SLC44A1: variants seen among roughly 807,000 people sequenced by gnomAD.
SLC44A1 encodes solute carrier family 44 member 1.
SLC44A1 carries 26 observed loss-of-function variants against 79.3 expected under a neutral mutation model. The ratio of observed to expected loss-of-function variants is 0.33; its 90% CI spans 0.24 to 0.46. SLC44A1 has a LOEUF of 0.46. Among genes scored for constraint, SLC44A1 ranks in the 20% least tolerant of loss-of-function variants. The pLI is 1.00. For synonymous variants in SLC44A1, 263 were observed against 286.2 expected, an observed-to-expected ratio of 0.92 and a Z score of 0.82; for missense variants, 688 against 798.1, an observed-to-expected ratio of 0.86 and a Z score of 1.66.
At chr9:105,380,200 C>A (rs1436824782) in intron 13 of SLC44A1, among the ~76,000 whole-genome samples, 1 of 152,150 alleles carries the variant, frequency 6.6e-6, no homozygotes, top group Non-Finnish European at 1.5e-5. Context: ...CTTAGAGTTA[C>A]AAAACTAAGT....
chr9:105,250,218 A>C (rs1349799255), intron 1 of SLC44A1, among the ~76,000 whole-genome samples: 1 of 152,060 alleles, frequency 6.6e-6, no homozygotes, highest in Non-Finnish European at 1.5e-5. Flanking sequence ...CTAAAGATAA[A>C]ATTTTGAATT....
chr9:105,349,654 C>A (rs925104610), intron 5 of SLC44A1, among the ~76,000 whole-genome samples: 1 of 151,972 alleles, frequency 6.6e-6, no homozygotes, highest in African/African-American at 2.4e-5. Flanking sequence ...AAAAGGGGAT[C>A]CTTTGAATAG....
Position 105,391,329 on chromosome 9 carries a change from A to G in SLC44A1, c.*2273A>G, listed in dbSNP as rs1420167668. The stretch of plus-strand genomic sequence containing the variant: ...AACTGTAATCAGAAAGAAATTTTGT[A>G]TTTTTGTATAACTTGATTGTGTGCC... On this transcript the variant is annotated 3_prime_UTR_variant, in exon 16 of 16. Transcript: ENST00000374720. The G allele has an allele frequency of 1.0e-6, 1 of 985,424 alleles. No homozygotes were observed. Among genetic ancestry groups the G allele is most frequent in the Admixed American group, 6.2e-5 (1 of 16,258 alleles). 61.0% of individuals were successfully genotyped at this position (985,424 alleles called of 1,614,324 possible).
intron 1 of SLC44A1, among the ~76,000 whole-genome samples, chr9:105,296,217 GT>G (rs1291594157): frequency 2.0e-5 from 3 of 152,136 alleles, no homozygotes; most frequent in African/African-American, 7.2e-5. Context: ...TCCGCTAAGT[GT>G]TCCTTTGTCC....
chr9:105,365,470 A>AT lies in SLC44A1; in HGVS notation c.1254-7dup, dbSNP rs764427739. On this transcript the variant is annotated splice_polypyrimidine_tract_variant and intron_variant, in intron 10 of 15. Transcript: ENST00000374720. ...CTTTGTTTTAATTGTCTTTTTGGTC[A>AT]TTTTTTAAATAGGGATAAAAGGAAT... 3.2e-5 allele frequency: 51 copies of AT among 1,604,600 alleles called. No individual in the cohort carries two copies. In the African/African-American group the frequency reaches 5.5e-4, roughly 17 times the overall value.
chr9:105,270,516 C>T (rs1036963730), intron 1 of SLC44A1, among the ~76,000 whole-genome samples: 1 of 152,172 alleles, frequency 6.6e-6, no homozygotes, highest in African/African-American at 2.4e-5. Flanking sequence ...CACCTCCCCA[C>T]TACCATCCTT....
rs944662845 is a variant in SLC44A1 at position 105,395,651 on chromosome 9, TAAGACTTA to T, written c.*6599_*6606del. 1.0e-6 allele frequency: 1 copy of T among 985,268 alleles called. No individual in the cohort carries two copies. The highest frequency in any genetic ancestry group is 1.7e-5 in the African/African-American group (1 of 57,242). The allele number at this position is 985,268 out of a possible 1,614,324, so 61.0% of individuals were successfully genotyped here. ...GATATGCCCTTTTGTCACAGAAGTG[TAAGACTTA>T]AAGGGAATATTCTGACCTTCGTGTA... On this transcript the variant is annotated 3_prime_UTR_variant, in exon 16 of 16. Transcript: ENST00000374720.
chr9:105,351,616 A>AAG (rs1421696781), intron 5 of SLC44A1, among the ~76,000 whole-genome samples: 1 of 58,614 alleles, frequency 1.7e-5, no homozygotes, highest in African/African-American at 5.5e-5. Flanking sequence ...GAAAGAAAGA[A>AAG]AGAAAGAGAG....
rs1457128333 is a variant in SLC44A1 at position 105,356,342 on chromosome 9, A to G, written c.631A>G (p.Ser211Gly). 6.2e-7 allele frequency: 1 copy of G among 1,607,008 alleles called. No homozygotes were observed. The highest frequency in any genetic ancestry group is 8.5e-7 in the Non-Finnish European group (1 of 1,177,162). Residue 211 changes from serine to glycine, a missense_variant, in exon 6 of 16, where the codon AGC becomes GGC. Ser to Gly is a moderately conservative substitution (Grantham distance 56). Transcript: ENST00000374720. ...LHRLISGVMT[S>G]KEIILGLCLL... ...CAGGCTGATTAGTGGAGTAATGACC[A>G]GCAAAGAAATTATATTGGGACTTTG...
chr9:105,397,021 A>G lies in SLC44A1; in HGVS notation c.*7965A>G. 1 of 985,182 alleles carries G rather than the reference A, an allele frequency of 1.0e-6. No homozygotes were observed. Among genetic ancestry groups the G allele is most frequent in the Non-Finnish European group, 1.2e-6 (1 of 829,714 alleles). 61.0% of individuals were successfully genotyped at this position (985,182 alleles called of 1,614,324 possible). ...GTGCAGACTTTGCAGATGGAGCATTATGCTCTCAGAGGACTTTAAAAATAT... is the reference window on the plus strand; with the variant it reads ...GTGCAGACTTTGCAGATGGAGCATTGTGCTCTCAGAGGACTTTAAAAATAT... On this transcript the variant is annotated 3_prime_UTR_variant, in exon 16 of 16. Coordinates refer to ENST00000374720, the MANE Select transcript of SLC44A1 (RefSeq NM_080546.5).
intron 3 of SLC44A1, among the ~76,000 whole-genome samples, chr9:105,325,573 A>G (rs1826548382): frequency 6.6e-6 from 1 of 152,120 alleles, no homozygotes; most frequent in Non-Finnish European, 1.5e-5. Context: ...GTGTGCTGAT[A>G]TGCTAGCTCA....
intron 3 of SLC44A1, among the ~76,000 whole-genome samples, chr9:105,314,186 G>A (rs1831257475): frequency 6.6e-6 from 1 of 152,156 alleles, no homozygotes; most frequent in South Asian, 2.1e-4. Context: ...TGTGGACTGA[G>A]CTGGGACAAA....
chr9:105,363,197 C>G (rs1827835414), intron 9 of SLC44A1, among the ~76,000 whole-genome samples, 190 bp downstream of exon 9: 1 of 151,994 alleles, frequency 6.6e-6, no homozygotes, highest in South Asian at 2.1e-4. Flanking sequence ...GAGTCTTGCT[C>G]TGTCACCCAG....
At chr9:105,272,443 G>T (rs1588718850) in intron 1 of SLC44A1, among the ~76,000 whole-genome samples, 1 of 151,986 alleles carries the variant, frequency 6.6e-6, no homozygotes, top group African/African-American at 2.4e-5. Context: ...CTATGCAGAG[G>T]CATGTTCTTG....
chr9:105,374,794 C>T, intron 13 of SLC44A1, 59 bp downstream of exon 13: 3 of 1,381,338 alleles, frequency 2.2e-6, no homozygotes, highest in South Asian at 1.3e-5. Flanking sequence ...TTTATTTGCT[C>T]TTTTATTTTA....
chr9:105,404,233 C>CAAAAAAAAAA (rs71489339), intron 15 of SLC44A1, among the ~76,000 whole-genome samples: 2 of 44,450 alleles, frequency 4.5e-5, no homozygotes, highest in African/African-American at 1.3e-4. Context: ...GGACTCATCT[C>CAAAAAAAAAA]AAAAAAAAAA....
rs369234908 is a variant in SLC44A1, at chr9:105,333,359, A to G, written c.270-2204A>G. Among the ~76,000 whole-genome samples, 78 of 152,272 alleles carry G rather than the reference A, an allele frequency of 5.1e-4. No individual in the cohort carries two copies. In the South Asian group the frequency reaches 0.015, roughly 30 times the overall value. ...GTACTCAATGCCTCTCTCCCATCCC[A>G]GTTCCACTGCCCACCTCCCACCCCA... On this transcript the variant is annotated intron_variant, in intron 3 of 15. Transcript: ENST00000374720.
At chr9:105,403,730 A>G (rs543584436) in intron 15 of SLC44A1, among the ~76,000 whole-genome samples, 4 of 150,072 alleles carry the variant, frequency 2.7e-5, no homozygotes, top group African/African-American at 9.8e-5. Flanking sequence ...GTGGGGCTGT[A>G]ATAAGCAAAT....
chr9:105,423,618 TAGAG>T lies in SLC44A1; in HGVS notation c.1951-14661_1951-14658del, dbSNP rs1434378403. On this transcript the variant is annotated intron_variant, in intron 15 of 15. Transcript: ENST00000374724. Reference sequence around the variant, plus strand: ...TGCAGCCAACCTGAATACCCAACAATAGAGAATCAGGTGAATGAATTATAATACA... The same window carrying T: ...TGCAGCCAACCTGAATACCCAACAATAATCAGGTGAATGAATTATAATACA... Among the ~76,000 whole-genome samples, 11 of 152,212 alleles carry T rather than the reference TAGAG, an allele frequency of 7.2e-5. 1 individual carries two copies. Among genetic ancestry groups the T allele is most frequent in the Non-Finnish European group, 4.4e-5 (3 of 68,032 alleles).
Sources: allele counts gnomAD v4.1 joint callset (sites outside exome capture counted in the v4.1 genomes callset), GRCh38; gene constraint gnomAD v4.1.1; transcripts MANE v1.5; gene names NCBI Gene and HGNC (gene_info 2026-07-23, HGNC 2026-07-21).